The following AHI1 variants were observed in gnomAD, a reference collection of about 807,000 sequenced individuals.
AHI1 encodes the protein Abelson helper integration site 1, also known as jouberin.
Under a neutral mutation model 149.3 loss-of-function variants are expected in AHI1, and 123 were observed. The ratio of observed to expected loss-of-function variants is 0.82; its 90% confidence interval spans 0.71 to 0.96. AHI1 has a LOEUF of 0.96. Among genes scored for constraint, AHI1 ranks in the 40% least tolerant of loss-of-function variants. The pLI is 0.00. For missense variants in AHI1, 1,439 were observed against 1,422.7 expected (o/e 1.01, Z -0.18); for synonymous variants, 475 against 459.8 (o/e 1.03, Z -0.42).
chr6:135,301,339 A>G, intron 26 of AHI1: 3 of 962,488 alleles, frequency 3.1e-6, no homozygotes, highest in Non-Finnish European at 3.7e-6. Context: ...GATATACCAT[A>G]TGTTCCTAAT....
chr6:135,373,669 C>T (rs4895447), intron 23 of AHI1, among the ~76,000 whole-genome samples: 3,777 of 152,222 alleles, frequency 0.025, 63 homozygotes, highest in Non-Finnish European at 0.036. Flanking sequence ...CTAAACCCTA[C>T]CAACCTTTAA....
Position 135,386,278 on chromosome 6 carries a change from T to C in AHI1, c.3109+8498A>G, listed in dbSNP as rs142868020. On this transcript the variant is annotated intron_variant, in intron 23 of 28. Transcript: ENST00000265602. ...AAAAAAAAAAGCACCTTTTCTTCCA[T>C]TTTGATGTTATCTACTATAGAAAAG... Among the ~76,000 whole-genome samples the C allele has an allele frequency of 2.0e-3, 298 of 151,978 alleles. 4 individuals carry two copies. The highest frequency in any genetic ancestry group is 6.6e-3 in the African/African-American group (274 of 41,512).
At position 135,297,515 on chromosome 6, in the gene AHI1, A is replaced by T. The variant is rs561271883; in HGVS notation, c.3485+2985T>A. ...CTTCTGTAATTACAATTTGCATCAC[A>T]TCATTTTGCACCTAATTATATAATT... On this transcript the variant is annotated intron_variant, in intron 27 of 28. Coordinates refer to ENST00000265602, the MANE Select transcript of AHI1 (RefSeq NM_001134831.2). 520 of 456,178 alleles carry T rather than the reference A, an allele frequency of 1.1e-3. 1 individual carries two copies. Among genetic ancestry groups the T allele is most frequent in the Non-Finnish European group, 1.7e-3 (381 of 226,942 alleles). The allele number at this position is 456,178 out of a possible 1,614,324, so 28.3% of individuals were successfully genotyped here.
intron 24 of AHI1, among the ~76,000 whole-genome samples, chr6:135,345,608 T>C (rs564421023): frequency 1.2e-4 from 18 of 151,462 alleles, no homozygotes; most frequent in Non-Finnish European, 2.5e-4. Context: ...ATATCCAGAA[T>C]AGGCAAACCC....
In AHI1 at chr6:135,346,769, A is replaced by T. The variant is rs1791294816; in HGVS notation, c.3165+11363T>A. Reference sequence around the variant, plus strand: ...CCTCATTCCTTCACTCCTTTTCTTCAAGCAGCTGTCTGTGGCATGTGGGTA... The same window carrying T: ...CCTCATTCCTTCACTCCTTTTCTTCTAGCAGCTGTCTGTGGCATGTGGGTA... On this transcript the variant is annotated intron_variant, in intron 24 of 28. Coordinates refer to ENST00000265602, the MANE Select transcript of AHI1 (RefSeq NM_001134831.2). Among the ~76,000 whole-genome samples, 5 of 152,102 alleles carry T rather than the reference A, an allele frequency of 3.3e-5. No individual in the cohort carries two copies. In the South Asian group the frequency reaches 8.3e-4, roughly 25 times the overall value.
At position 135,428,112 on chromosome 6, in the gene AHI1, T is replaced by C. The variant is rs1023740965; in HGVS notation, c.2623+517A>G. On this transcript the variant is annotated intron_variant, in intron 19 of 28. Transcript: ENST00000265602. The stretch of plus-strand genomic sequence containing the variant: ...CATTCATGTAGCTTTAGCTTTTCTT[T>C]TGAAAAGCAAAGGTGAGGCACAAGT... 3.3e-5 allele frequency among the ~76,000 whole-genome samples: 5 copies of C among 151,706 alleles called. No homozygotes were observed. The East Asian group carries it at 9.6e-4, about 29-fold the overall frequency.
chr6:135,377,455 G>C (rs958458266), intron 23 of AHI1, among the ~76,000 whole-genome samples: 1 of 145,578 alleles, frequency 6.9e-6, no homozygotes, highest in Non-Finnish European at 1.5e-5. Context: ...GAGTAATCTG[G>C]CTTTGAGTTA....
rs1338662150 is a variant in AHI1 at position 135,428,703 on chromosome 6, G to A, written c.2549C>T (p.Thr850Ile). The change falls in exon 19 of 29, where the codon ACT (threonine) becomes ATT (isoleucine). Residue 850 changes from threonine (T) to isoleucine (I), a missense_variant. Transcript: ENST00000265602. ...AANYREKIHS[T>I]LTPCGTFLFA... ...CAGAAAAGTCCCACATGGAGTCAAA[G>A]TACTATGAATCTTCTCCCGATAATT... 9 of 1,608,316 alleles carry A rather than the reference G, an allele frequency of 5.6e-6. No individual in the cohort carries two copies. Among genetic ancestry groups the A allele is most frequent in the South Asian group, 1.1e-5 (1 of 90,256 alleles).
chr6:135,373,747 G>A (rs1435072108), intron 23 of AHI1, among the ~76,000 whole-genome samples: 1 of 152,046 alleles, frequency 6.6e-6, no homozygotes, highest in African/African-American at 2.4e-5. Context: ...AAACAGACAG[G>A]AACATGTGCC....
At chr6:135,395,735 A>G (rs1779126556) in intron 22 of AHI1, among the ~76,000 whole-genome samples, 1 of 151,924 alleles carries the variant, frequency 6.6e-6, no homozygotes, top group South Asian at 2.1e-4. Flanking sequence ...GCACAATAAA[A>G]TGTGATCTAT....
chr6:135,314,674 G>C (rs1325913483), intron 26 of AHI1, among the ~76,000 whole-genome samples: 1 of 152,028 alleles, frequency 6.6e-6, no homozygotes, highest in East Asian at 1.9e-4. Context: ...TTTTCTTTCA[G>C]TTCCTTACAG....
chr6:135,392,663 C>T (rs371933256), intron 23 of AHI1, among the ~76,000 whole-genome samples: 87 of 152,206 alleles, frequency 5.7e-4, no homozygotes, highest in African/African-American at 1.9e-3. Flanking sequence ...ATAGATTATT[C>T]GTACAATCAA....
At chr6:135,319,959 T>G (rs146284460) in intron 25 of AHI1, among the ~76,000 whole-genome samples, 1 of 152,322 alleles carries the variant, frequency 6.6e-6, no homozygotes, top group East Asian at 1.9e-4. Context: ...TTAGAGTATC[T>G]GCTTGTATAC....
At position 135,283,989 on chromosome 6, in the gene AHI1, A is replaced by G. The variant is rs1489614111; in HGVS notation, c.*1656T>C. 1 of 152,228 alleles carries G rather than the reference A, an allele frequency of 6.6e-6. No homozygotes were observed. The highest frequency in any genetic ancestry group is 1.5e-5 in the Non-Finnish European group (1 of 68,036). The allele number at this position is 152,228 out of a possible 1,614,324, so 9.4% of individuals were successfully genotyped here. On this transcript the variant is annotated 3_prime_UTR_variant, in exon 29 of 29. Transcript: ENST00000265602. ...TCTCAAAATTATTAGCTGAAACTGC[A>G]GAGAAACAGATATTTTTATTTTTAA...
intron 24 of AHI1, among the ~76,000 whole-genome samples, chr6:135,327,771 G>A (rs539706428): frequency 3.9e-5 from 6 of 152,154 alleles, no homozygotes; most frequent in East Asian, 1.9e-4. Context: ...TGCTGATGTC[G>A]CGGAGCTTCC....
intron 20 of AHI1, among the ~76,000 whole-genome samples, chr6:135,417,490 G>C (rs1001860952): frequency 6.6e-6 from 1 of 151,604 alleles, no homozygotes; most frequent in East Asian, 1.9e-4. Flanking sequence ...TCTTAAAAAT[G>C]ACATTTTTAA....
intron 24 of AHI1, among the ~76,000 whole-genome samples, chr6:135,326,689 T>C (rs966021269): frequency 4.0e-5 from 6 of 151,888 alleles, no homozygotes; most frequent in African/African-American, 1.5e-4. Flanking sequence ...GCCTCCTGAG[T>C]AGCTGGGATT....
At chr6:135,392,849 C>A (rs368697198) in intron 23 of AHI1, among the ~76,000 whole-genome samples, 34 of 152,250 alleles carry the variant, frequency 2.2e-4, no homozygotes, top group East Asian at 1.7e-3. Flanking sequence ...GGTCTGAAAA[C>A]TAGCTCACCT....
intron 23 of AHI1, among the ~76,000 whole-genome samples, chr6:135,363,078 C>T (rs905292318): frequency 6.7e-6 from 1 of 149,496 alleles, no homozygotes. Flanking sequence ...ATTGATCATT[C>T]TTGGGTGTTT....
Sources: allele counts gnomAD v4.1 joint callset (sites outside exome capture counted in the v4.1 genomes callset), GRCh38; gene constraint gnomAD v4.1.1; transcripts MANE v1.5; gene names NCBI Gene and HGNC (gene_info 2026-07-23, HGNC 2026-07-21).